FHOD3: variants seen among roughly 807,000 people sequenced by gnomAD.
The protein encoded by FHOD3 is formin homology 2 domain containing 3, also known as FH1/FH2 domain-containing protein 3.
FHOD3 carries 90 observed loss-of-function variants against 173.0 expected under a neutral mutation model. That is an observed-to-expected ratio of 0.52 (90% confidence interval 0.44 to 0.62). FHOD3 has a LOEUF of 0.62. FHOD3 is among the 20% of genes least tolerant of loss of function. The probability of loss-of-function intolerance (pLI) is 0.00; values close to 1 mark genes in which losing one functional copy is unlikely to be tolerated. For missense variants in FHOD3, 1,945 were observed against 2,034.7 expected (o/e 0.96, Z 0.85); for synonymous variants, 828 against 823.0 (o/e 1.01, Z -0.10).
intron 3 of FHOD3, among the ~76,000 whole-genome samples, chr18:36,476,819 G>A (rs934415906): frequency 3.9e-5 from 6 of 152,216 alleles, no homozygotes; most frequent in African/African-American, 1.4e-4. Context: ...GTGGGGGCAT[G>A]AAGGTCAGTT....
At chr18:36,558,756 A>G (rs2057984828) in intron 5 of FHOD3, among the ~76,000 whole-genome samples, 1 of 152,234 alleles carries the variant, frequency 6.6e-6, no homozygotes, top group African/African-American at 2.4e-5. Flanking sequence ...TTCAACATTT[A>G]AAACACTAAT....
At chr18:36,730,226 A>T (rs1175422042) in intron 19 of FHOD3, among the ~76,000 whole-genome samples, 2 of 152,192 alleles carry the variant, frequency 1.3e-5, no homozygotes, top group East Asian at 1.9e-4. Context: ...CTCTCTTCTC[A>T]GCATGTAAAC....
chr18:36,517,467 A>G lies in FHOD3; in HGVS notation c.511+4924A>G, dbSNP rs551051132. Among the ~76,000 whole-genome samples the G allele has an allele frequency of 2.6e-5, 4 of 152,242 alleles. No individual in the cohort carries two copies. The South Asian group carries it at 6.2e-4, about 24-fold the overall frequency. ...AATTGCATGTGTCTTGTATGTTTGGAAATTGCACATATGTACTGTGCTTTG... is the reference window on the plus strand; with the variant it reads ...AATTGCATGTGTCTTGTATGTTTGGGAATTGCACATATGTACTGTGCTTTG... On this transcript the variant is annotated intron_variant, in intron 5 of 28. Coordinates refer to ENST00000590592, the MANE Select transcript of FHOD3 (RefSeq NM_001281740.3).
chr18:36,384,186 C>T (rs1380536931), intron 3 of FHOD3, among the ~76,000 whole-genome samples: 1 of 152,130 alleles, frequency 6.6e-6, no homozygotes, highest in African/African-American at 2.4e-5. Context: ...CAAGACCATC[C>T]TGGCTAACAT....
At chr18:36,649,599 C>T (rs908703852) in intron 11 of FHOD3, among the ~76,000 whole-genome samples, 194 bp downstream of exon 11, 2 of 152,146 alleles carry the variant, frequency 1.3e-5, no homozygotes, top group Admixed American at 6.5e-5. Context: ...TAGAGAACTG[C>T]ACTTTTTATT....
intron 21 of FHOD3, 64 bp downstream of exon 21, chr18:36,740,902 A>G: frequency 6.7e-7 from 1 of 1,483,094 alleles, no homozygotes; most frequent in Non-Finnish European, 9.2e-7. Context: ...GCAGTTTTTC[A>G]TTGATCAGTA....
At chr18:36,711,927 C>G (rs1256940221) in intron 18 of FHOD3, among the ~76,000 whole-genome samples, 1 of 152,274 alleles carries the variant, frequency 6.6e-6, no homozygotes, top group East Asian at 1.9e-4. Context: ...CTGAACCTCC[C>G]GCGTCCCTTG....
At chr18:36,345,991 C>G (rs2045863387) in intron 1 of FHOD3, among the ~76,000 whole-genome samples, 1 of 152,286 alleles carries the variant, frequency 6.6e-6, no homozygotes, top group Admixed American at 6.5e-5. Flanking sequence ...GGATTTCAAC[C>G]ATCATATTTT....
chr18:36,373,669 C>A (rs1480886145), intron 3 of FHOD3, among the ~76,000 whole-genome samples: 1 of 152,232 alleles, frequency 6.6e-6, no homozygotes. Context: ...GTGACTCAAA[C>A]TTCAGGGACT....
chr18:36,425,666 TTGATC>T (rs2050204111), intron 3 of FHOD3, among the ~76,000 whole-genome samples: 1 of 152,126 alleles, frequency 6.6e-6, no homozygotes, highest in African/African-American at 2.4e-5. Context: ...ACATGATGCT[TTGATC>T]TGGGTTTGTT....
chr18:36,582,494 G>T (rs1439835987), intron 6 of FHOD3, among the ~76,000 whole-genome samples: 2 of 152,160 alleles, frequency 1.3e-5, no homozygotes, highest in African/African-American at 4.8e-5. Flanking sequence ...TTGCATGCTG[G>T]AATTGGTGGA....
chr18:36,305,433 T>G (rs949318919), intron 1 of FHOD3, among the ~76,000 whole-genome samples: 1 of 152,210 alleles, frequency 6.6e-6, no homozygotes, highest in African/African-American at 2.4e-5. Flanking sequence ...ATGAAACAAA[T>G]TAGTTTCTCT....
intron 17 of FHOD3, among the ~76,000 whole-genome samples, chr18:36,695,992 C>T (rs1019617723): frequency 3.9e-5 from 6 of 152,204 alleles, no homozygotes; most frequent in African/African-American, 9.6e-5. Flanking sequence ...CATGTCCAAA[C>T]GTGCCAGGGA....
In FHOD3 at chr18:36,545,904, C is replaced by T. The variant is rs77624886; in HGVS notation, c.512-30547C>T. ...TTTAAAAAGTTGGCTTATACCCCCA[C>T]AACTATCAGAAATGCAGCTAACAGA... On this transcript the variant is annotated intron_variant, in intron 5 of 28. Transcript: ENST00000590592. 1.5e-3 allele frequency among the ~76,000 whole-genome samples: 228 copies of T among 152,330 alleles called. 2 individuals carry two copies. Among genetic ancestry groups the T allele is most frequent in the Middle Eastern group, 6.8e-3 (2 of 294 alleles).
At chr18:36,636,737 G>A (rs1338433034) in intron 10 of FHOD3, among the ~76,000 whole-genome samples, 2 of 151,282 alleles carry the variant, frequency 1.3e-5, no homozygotes, top group African/African-American at 4.9e-5. Context: ...GCCCTCATAA[G>A]GAGGTGGCTG....
intron 3 of FHOD3, among the ~76,000 whole-genome samples, chr18:36,402,009 A>G (rs993812663): frequency 6.6e-6 from 1 of 152,222 alleles, no homozygotes; most frequent in African/African-American, 2.4e-5. Flanking sequence ...TCTTGCATAT[A>G]TTCTTTTTAA....
chr18:36,333,724 G>A (rs773668100), intron 1 of FHOD3, among the ~76,000 whole-genome samples: 1 of 152,104 alleles, frequency 6.6e-6, no homozygotes, highest in Non-Finnish European at 1.5e-5. Context: ...TGACCCCACC[G>A]CCACCCCTCC....
chr18:36,321,574 C>A (rs894766712), intron 1 of FHOD3, among the ~76,000 whole-genome samples: 5 of 152,162 alleles, frequency 3.3e-5, no homozygotes, highest in African/African-American at 1.2e-4. Flanking sequence ...GTGTTGCTTT[C>A]TCCTGGGTTT....
chr18:36,779,433 G>A lies in FHOD3; in HGVS notation c.4787-15G>A. 1 of 1,613,704 alleles carries A rather than the reference G, an allele frequency of 6.2e-7. No homozygotes were observed. The highest frequency in any genetic ancestry group is 1.1e-5 in the South Asian group (1 of 91,064). ...CTTCTCATCCCTTTGGGTGTGACCTGCACCACCACTGCAGTGCGAAGAACC... is the reference window on the plus strand; with the variant it reads ...CTTCTCATCCCTTTGGGTGTGACCTACACCACCACTGCAGTGCGAAGAACC... On this transcript the variant is annotated splice_polypyrimidine_tract_variant and intron_variant, in intron 28 of 28. Transcript: ENST00000590592.
Sources: allele counts gnomAD v4.1 joint callset (sites outside exome capture counted in the v4.1 genomes callset), GRCh38; gene constraint gnomAD v4.1.1; transcripts MANE v1.5; gene names NCBI Gene and HGNC (gene_info 2026-07-23, HGNC 2026-07-21).